COL21A1: variants seen among roughly 807,000 people sequenced by gnomAD.
COL21A1 encodes collagen alpha-1(XXI) chain.
A neutral mutation model predicts 137.9 loss-of-function variants in COL21A1; 149 were observed. The ratio of observed to expected loss-of-function variants is 1.08; its 90% confidence interval spans 0.95 to 1.24. COL21A1 has a LOEUF of 1.24. Among genes scored for constraint, COL21A1 ranks in the 50% most tolerant of loss-of-function variants. The pLI is 0.00. For synonymous variants in COL21A1, 456 were observed against 391.5 expected (o/e 1.16, Z -1.95); for missense variants, 1,167 against 1,158.4 (o/e 1.01, Z -0.11).
intron 1 of COL21A1, among the ~76,000 whole-genome samples, chr6:56,316,069 T>G (rs890065205): frequency 1.3e-5 from 2 of 152,208 alleles, no homozygotes; most frequent in African/African-American, 2.4e-5. Context: ...CTAACCAATT[T>G]TCTCTTTTTA....
chr6:56,118,209 G>C (rs891837316), intron 16 of COL21A1, among the ~76,000 whole-genome samples: 2 of 148,558 alleles, frequency 1.3e-5, no homozygotes, highest in African/African-American at 4.9e-5. Context: ...AAATAAAAAA[G>C]GATACCCAAA....
At chr6:56,153,238 A>G (rs1255540066) in intron 10 of COL21A1, among the ~76,000 whole-genome samples, 1 of 152,144 alleles carries the variant, frequency 6.6e-6, no homozygotes, top group Non-Finnish European at 1.5e-5. Context: ...TCCCTCAATT[A>G]AATTCCCCCA....
At chr6:56,326,782 G>T (rs947736741) in intron 1 of COL21A1, among the ~76,000 whole-genome samples, 1 of 151,968 alleles carries the variant, frequency 6.6e-6, no homozygotes, top group East Asian at 1.9e-4. Flanking sequence ...CAGCTCATCT[G>T]TTCAGTTAAA....
At chr6:56,070,592 G>A (rs527560394) in intron 21 of COL21A1, among the ~76,000 whole-genome samples, 153 bp downstream of exon 21, 1 of 151,584 alleles carries the variant, frequency 6.6e-6, no homozygotes, top group South Asian at 2.1e-4. Flanking sequence ...AAACTGTATT[G>A]ACAATTTCAT....
Position 56,296,488 on chromosome 6 carries a change from G to A in COL21A1, c.-39+97483C>T, listed in dbSNP as rs561896315. Among the ~76,000 whole-genome samples the A allele has an allele frequency of 1.7e-4, 26 of 151,992 alleles. No individual in the cohort carries two copies. The South Asian group carries it at 2.5e-3, about 15-fold the overall frequency. ...AATTACCTCATATCTATAATGATAC[G>A]TTTAAAGTATTACGTTCCCTCTCAT... On this transcript the variant is annotated intron_variant, in intron 1 of 28. Coordinates refer to the COL21A1 transcript ENST00000370819.
chr6:56,256,546 A>T (rs1314201263), intron 1 of COL21A1, among the ~76,000 whole-genome samples: 1 of 152,188 alleles, frequency 6.6e-6, no homozygotes, highest in Non-Finnish European at 1.5e-5. Context: ...AGCATAACTT[A>T]TGTGCAGTAT....
chr6:56,275,915 A>C (rs1763636396), intron 1 of COL21A1, among the ~76,000 whole-genome samples: 1 of 152,198 alleles, frequency 6.6e-6, no homozygotes, highest in South Asian at 2.1e-4. Flanking sequence ...AAAAATATAC[A>C]TGTATGTGTA....
At chr6:56,113,584 GC>G (rs1347515389) in intron 16 of COL21A1, among the ~76,000 whole-genome samples, 1 of 152,162 alleles carries the variant, frequency 6.6e-6, no homozygotes, top group Non-Finnish European at 1.5e-5. Flanking sequence ...TACACCAAGG[GC>G]CTTGGTGAAC....
In COL21A1 at chr6:56,170,836, G is replaced by A. The variant is rs764079345; in HGVS notation, c.839C>T (p.Ser280Leu). The A allele has an allele frequency of 1.2e-5, 19 of 1,610,566 alleles. 1 individual carries two copies. In the South Asian group the frequency reaches 1.9e-4, roughly 16 times the overall value. Residue 280 changes from serine to leucine, a missense_variant, in exon 5 of 30, where the codon TCA (serine) becomes TTA (leucine). By Grantham distance (145) the Ser-to-Leu change is moderately radical (BLOSUM62 -2). Coordinates refer to ENST00000244728, the MANE Select transcript of COL21A1 (RefSeq NM_030820.4). Reference sequence around the variant, plus strand: ...TCTTTGAGTAGACACAAATACATATGATGGAGGAAGACCTTCTGGGAAAAC... The same window carrying A: ...TCTTTGAGTAGACACAAATACATATAATGGAGGAAGACCTTCTGGGAAAAC... ...SNVFPEGLPPSYVFVSTQRFK... is the reference protein window; with the variant it reads ...SNVFPEGLPPLYVFVSTQRFK...
At chr6:56,136,577 G>A (rs1365566419) in intron 12 of COL21A1, among the ~76,000 whole-genome samples, 1 of 152,054 alleles carries the variant, frequency 6.6e-6, no homozygotes, top group Admixed American at 6.6e-5. Context: ...TGATGAGCCT[G>A]TCCATCTTTT....
chr6:56,264,539 G>T (rs559592981), intron 1 of COL21A1, among the ~76,000 whole-genome samples: 7 of 152,286 alleles, frequency 4.6e-5, no homozygotes, highest in African/African-American at 1.7e-4. Flanking sequence ...CTCACTAGAA[G>T]ATTTTATTTA....
intron 28 of COL21A1, 74 bp downstream of exon 28, chr6:56,059,944 A>T: frequency 9.5e-7 from 1 of 1,050,224 alleles, no homozygotes; most frequent in Non-Finnish European, 1.4e-6. Context: ...CTCGACTATT[A>T]AATGGATATA....
At chr6:56,098,776 C>G (rs150259134) in intron 17 of COL21A1, among the ~76,000 whole-genome samples, 1 of 132,888 alleles carries the variant, frequency 7.5e-6, no homozygotes, top group Non-Finnish European at 1.5e-5. Flanking sequence ...AGTGCAGTAG[C>G]GCGATCTTGG....
chr6:56,104,438 G>T (rs1257757103), intron 16 of COL21A1, among the ~76,000 whole-genome samples: 1 of 152,052 alleles, frequency 6.6e-6, no homozygotes, highest in Non-Finnish European at 1.5e-5. Flanking sequence ...GTTTCATCAA[G>T]AAATGAAAGG....
At chr6:56,347,508 G>T in intron 1 of COL21A1, among the ~76,000 whole-genome samples, 1 of 128,878 alleles carries the variant, frequency 7.8e-6, no homozygotes, top group South Asian at 2.8e-4. Context: ...GAATCACCTA[G>T]GAAGCATTTA....
intron 12 of COL21A1, among the ~76,000 whole-genome samples, chr6:56,134,696 G>A (rs1448705393): frequency 3.3e-5 from 5 of 152,314 alleles, no homozygotes; most frequent in Middle Eastern, 3.4e-3. Flanking sequence ...GAATCATGGG[G>A]TGGGTCTTTC....
At chr6:56,326,387 G>A (rs1002971465) in intron 1 of COL21A1, among the ~76,000 whole-genome samples, 5 of 151,582 alleles carry the variant, frequency 3.3e-5, no homozygotes, top group Non-Finnish European at 2.9e-5. Context: ...TTATAAAAAT[G>A]TATTGAGTTA....
chr6:56,212,891 G>C (rs961166192), intron 1 of COL21A1, among the ~76,000 whole-genome samples: 2 of 151,898 alleles, frequency 1.3e-5, no homozygotes, highest in Admixed American at 6.6e-5. Context: ...TTCATTAATA[G>C]GTACCTATGC....
chr6:56,228,150 G>A (rs1055128208), intron 1 of COL21A1, among the ~76,000 whole-genome samples: 10 of 152,002 alleles, frequency 6.6e-5, no homozygotes, highest in African/African-American at 1.9e-4. Flanking sequence ...GTGAAGAGGA[G>A]TGGACTTTGT....
Sources: gnomAD v4.1 joint callset for allele counts (sites outside exome capture counted in the v4.1 genomes callset) on GRCh38, gnomAD v4.1.1 for gene constraint, MANE v1.5 for transcripts, NCBI Gene and HGNC (gene_info 2026-07-23, HGNC 2026-07-21) for gene names.